The following FMNL3 variants were observed in gnomAD, a reference collection of about 807,000 sequenced individuals.
FMNL3 encodes the protein formin-like protein 3.
A neutral mutation model predicts 119.6 loss-of-function variants in FMNL3; 57 were observed. The ratio of observed to expected loss-of-function variants is 0.48; its 90% confidence interval spans 0.39 to 0.59. The LOEUF (loss-of-function observed/expected upper bound fraction) is 0.59. Ranked by LOEUF, FMNL3 falls within the 20% of genes least tolerant of loss-of-function variation. The pLI is 0.00. For missense variants in FMNL3, 1,053 were observed against 1,323.5 expected (o/e 0.80, Z 3.17); for synonymous variants, 491 against 507.3 (o/e 0.97, Z 0.43).
chr12:49,706,999 G>C, intron 1 of FMNL3, 56 bp downstream of exon 1: 2 of 1,539,970 alleles, frequency 1.3e-6, no homozygotes, highest in Admixed American at 2.0e-5. Context: ...GTCCCAGCCC[G>C]GGCGTCGGGA....
At chr12:49,648,165 G>A (rs1433753280) in intron 22 of FMNL3, 28 bp downstream of exon 22, 1 of 1,597,726 alleles carries the variant, frequency 6.3e-7, no homozygotes, top group Admixed American at 1.7e-5. Context: ...GGCCCTGGTT[G>A]CTCCCACCGC....
At chr12:49,706,098 C>G (rs985972286) in intron 1 of FMNL3, among the ~76,000 whole-genome samples, 1 of 152,246 alleles carries the variant, frequency 6.6e-6, no homozygotes, top group Non-Finnish European at 1.5e-5. Context: ...AAAGATTAAC[C>G]CCGGTTTACC....
chr12:49,665,349 G>A (rs1450572948), intron 4 of FMNL3, among the ~76,000 whole-genome samples: 1 of 152,110 alleles, frequency 6.6e-6, no homozygotes, highest in Non-Finnish European at 1.5e-5. Flanking sequence ...CTTTCCTGGT[G>A]CTTAAGGAAG....
chr12:49,644,120 A>G lies in FMNL3; in HGVS notation c.*1695T>C, dbSNP rs759268578. Reference sequence around the variant, plus strand: ...AACAGACAGGCTGGGACACGTCAGAAAGTGAGCTGAGTGAGGGTGAGCTGG... The same window carrying G: ...AACAGACAGGCTGGGACACGTCAGAGAGTGAGCTGAGTGAGGGTGAGCTGG... On this transcript the variant is annotated 3_prime_UTR_variant, in exon 26 of 26. Coordinates refer to ENST00000335154, the MANE Select transcript of FMNL3 (RefSeq NM_175736.5). The G allele has an allele frequency of 2.5e-6, 4 of 1,614,166 alleles. No homozygotes were observed. The highest frequency in any genetic ancestry group is 3.3e-4 in the Middle Eastern group (2 of 6,062).
In FMNL3 at chr12:49,661,881, A is replaced by G. The variant is rs77471889; in HGVS notation, c.452+85T>C. ...ATTCCCATTTCCATCTTCATTGTTG[A>G]ACTCTCACCCTTCCTTATCAAAGTA... On this transcript the variant is annotated intron_variant, in intron 5 of 25. Coordinates refer to ENST00000335154, the MANE Select transcript of FMNL3 (RefSeq NM_175736.5). 9.4e-4 allele frequency: 1,192 copies of G among 1,268,580 alleles called. 12 individuals carry two copies. The East Asian group carries it at 0.026, about 28-fold the overall frequency. The allele number at this position is 1,268,580 out of a possible 1,614,324, so 78.6% of individuals were successfully genotyped here.
chr12:49,704,388 T>A (rs1650039380), intron 1 of FMNL3, among the ~76,000 whole-genome samples: 1 of 152,190 alleles, frequency 6.6e-6, no homozygotes, highest in African/African-American at 2.4e-5. Context: ...AGGAACAGTT[T>A]ATCTGACTGT....
intron 17 of FMNL3, among the ~76,000 whole-genome samples, chr12:49,650,400 C>T (rs1227392501): frequency 6.6e-6 from 1 of 152,208 alleles, no homozygotes; most frequent in Non-Finnish European, 1.5e-5. Context: ...ACATGAACCT[C>T]CCTATTCTCC....
chr12:49,643,268 C>G lies in FMNL3; in HGVS notation c.*2547G>C. On this transcript the variant is annotated 3_prime_UTR_variant, in exon 26 of 26. Coordinates refer to ENST00000335154, the MANE Select transcript of FMNL3 (RefSeq NM_175736.5). The stretch of plus-strand genomic sequence containing the variant: ...GGAGCTGCCCCCACCATCTCTCCGG[C>G]CCCCCAAGCGGAGGAGGCGGAACCC... 1.9e-6 allele frequency: 3 copies of G among 1,614,036 alleles called. No homozygotes were observed. Among genetic ancestry groups the G allele is most frequent in the Non-Finnish European group, 2.5e-6 (3 of 1,180,000 alleles).
At chr12:49,648,403 C>T in intron 21 of FMNL3, 50 bp from the exon 22 acceptor site, 3 of 1,567,914 alleles carry the variant, frequency 1.9e-6, no homozygotes, top group Non-Finnish European at 2.6e-6. Flanking sequence ...GGCATGCTCA[C>T]CTCCCAGCCC....
chr12:49,693,386 TG>T (rs1273906083), intron 1 of FMNL3, among the ~76,000 whole-genome samples: 2 of 151,600 alleles, frequency 1.3e-5, no homozygotes, highest in East Asian at 1.9e-4. Context: ...CACTTTTTGT[TG>T]TTTTTTTTTT....
intron 13 of FMNL3, 176 bp from the exon 14 acceptor site, chr12:49,652,388 AAAG>A (rs1233444988): frequency 1.5e-6 from 2 of 1,292,508 alleles, no homozygotes; most frequent in Non-Finnish European, 2.1e-6. Flanking sequence ...CAGCAAAACA[AAAG>A]AGGCAAGCAG....
chr12:49,693,932 G>A (rs1592694417), intron 1 of FMNL3, among the ~76,000 whole-genome samples: 2 of 151,986 alleles, frequency 1.3e-5, no homozygotes, highest in African/African-American at 2.4e-5. Context: ...ACAGGCATGA[G>A]CCACCAACAA....
chr12:49,655,011 A>G (rs1943528203), intron 9 of FMNL3, 27 bp from the exon 10 acceptor site: 1 of 1,610,706 alleles, frequency 6.2e-7, no homozygotes. Flanking sequence ...TCTCAGTGAA[A>G]GGATCTGCTC....
In FMNL3 at chr12:49,647,288, T is replaced by C. The variant is rs1477169383; in HGVS notation, c.2859A>G (p.Lys953=). The C allele has an allele frequency of 6.2e-7, 1 of 1,614,024 alleles. No individual in the cohort carries two copies. The highest frequency in any genetic ancestry group is 1.3e-5 in the African/African-American group (1 of 75,034). The change falls in exon 24 of 26, where the codon AAA becomes AAG. Residue 953 remains lysine (K), a synonymous_variant. Transcript: ENST00000335154. The surrounding 1 kb of genome is among the most constrained non-coding windows in gnomAD (Gnocchi z 4.9). The part of the protein sequence containing the change: ...REKQLAQEAK[K]LDAKTPSQRN... ...TGGTCCCACCCACCTTGGCATCCAG[T>C]TTCTTGGCTTCCTGAGCCAGCTGCT...
At chr12:49,653,607 T>C in intron 12 of FMNL3, 118 bp downstream of exon 12, 1 of 1,417,438 alleles carries the variant, frequency 7.1e-7, no homozygotes, top group Non-Finnish European at 9.7e-7. Flanking sequence ...TTGAGAGCCC[T>C]GGTGGGTTCT....
At chr12:49,658,762 C>T (rs536834566) in intron 5 of FMNL3, among the ~76,000 whole-genome samples, 168 bp from the exon 6 acceptor site, 1 of 151,590 alleles carries the variant, frequency 6.6e-6, no homozygotes, top group African/African-American at 2.4e-5. Flanking sequence ...CTGATCCTAG[C>T]TGGAAGAGCC....
chr12:49,654,433 T>A, intron 10 of FMNL3, 131 bp from the exon 11 acceptor site: 1 of 647,186 alleles, frequency 1.5e-6, no homozygotes, highest in Non-Finnish European at 2.7e-6. Flanking sequence ...AAGAGTTAAG[T>A]CTTTATGGGG....
Position 49,666,143 on chromosome 12 carries a change from G to C in FMNL3, c.275C>G (p.Pro92Arg). The change falls in exon 3 of 26, where the codon CCC becomes CGC. Residue 92 changes from proline to arginine, a missense_variant. Transcript: ENST00000335154. ...ATACTTCACCTTCCGAGTTACACTG[G>C]GGTCCAAGAAGCTCTGGAGTTTCTG... Reference protein sequence around the residue: ...YIQKLQSFLDPSVTRKKFRRR... With the variant: ...YIQKLQSFLDRSVTRKKFRRR... The C allele has an allele frequency of 6.2e-7, 1 of 1,614,116 alleles. No individual in the cohort carries two copies. Among genetic ancestry groups the C allele is most frequent in the South Asian group, 1.1e-5 (1 of 91,080 alleles).
chr12:49,670,657 A>AC (rs1203062186), intron 1 of FMNL3, among the ~76,000 whole-genome samples: 1 of 152,220 alleles, frequency 6.6e-6, no homozygotes, highest in Non-Finnish European at 1.5e-5. Context: ...TTCCTGCTGC[A>AC]CTATGCATCT....
Sources: gnomAD v4.1 joint callset for allele counts (sites outside exome capture counted in the v4.1 genomes callset) on GRCh38, gnomAD v4.1.1 for gene constraint, Gnocchi (gnomAD v3.1) non-coding constraint, MANE v1.5 for transcripts, NCBI Gene and HGNC (gene_info 2026-07-23, HGNC 2026-07-21) for gene names.